The following UFD1 variants were observed in gnomAD, a reference collection of about 807,000 sequenced individuals.
UFD1 encodes the protein ubiquitin recognition factor in ER associated degradation 1.
UFD1 carries 13 observed loss-of-function variants against 45.9 expected under a neutral mutation model. That is an observed-to-expected ratio of 0.28 (90% CI 0.18 to 0.45). UFD1 has a LOEUF of 0.45. Ranked by LOEUF, UFD1 falls within the 20% of genes least tolerant of loss-of-function variation. The probability of loss-of-function intolerance (pLI) is 1.00; values close to 1 mark genes in which losing one functional copy is unlikely to be tolerated. For missense variants in UFD1, 218 were observed against 389.2 expected (o/e 0.56, Z 3.70); for synonymous variants, 128 against 139.2 (o/e 0.92, Z 0.56).
chr22:19,468,084 C>A (rs1568899974), intron 4 of UFD1, 81 bp from the exon 5 acceptor site: 5 of 1,549,778 alleles, frequency 3.2e-6, no homozygotes, highest in Non-Finnish European at 4.4e-6. Flanking sequence ...ACTGGGCAGG[C>A]CCGTCTTACT....
At chr22:19,474,940 C>T in intron 3 of UFD1, 128 bp downstream of exon 3, 3 of 972,152 alleles carry the variant, frequency 3.1e-6, no homozygotes, top group Middle Eastern at 3.5e-4. Flanking sequence ...CGCATGCCCT[C>T]CACGGACAAT....
intron 7 of UFD1, among the ~76,000 whole-genome samples, chr22:19,457,310 C>T (rs2089730391): frequency 6.6e-6 from 1 of 152,218 alleles, no homozygotes. Flanking sequence ...TCTCCCAGCC[C>T]CCTCCACCAG....
intron 4 of UFD1, among the ~76,000 whole-genome samples, chr22:19,470,218 G>C (rs896119335): frequency 5.3e-5 from 8 of 152,326 alleles, no homozygotes; most frequent in Non-Finnish European, 1.2e-4. Context: ...CAACAGGCCA[G>C]GTTGGGCAGG....
At position 19,451,233 on chromosome 22, in the gene UFD1, C is replaced by T. The variant is rs920980024; in HGVS notation, c.850-489G>A. The T allele has an allele frequency of 3.0e-6, 3 of 986,312 alleles. No individual in the cohort carries two copies. In the Admixed American group the frequency reaches 1.8e-4, roughly 60 times the overall value. The allele number at this position is 986,312 out of a possible 1,614,324, so 61.1% of individuals were successfully genotyped here. A position where few individuals can be genotyped will look rare whatever the true frequency, so the allele number is the denominator to read the frequency against. On this transcript the variant is annotated intron_variant, in intron 11 of 11. Transcript: ENST00000263202. The stretch of plus-strand genomic sequence containing the variant: ...TCCCACTTAATTCTGAAATCTCATG[C>T]CAATAAACTTCCTGTCTAGTATACT...
Position 19,454,775 on chromosome 22 carries a change from G to C in UFD1, c.823C>G (p.Arg275Gly). ...LGKITFIRNS[R>G]PLVKKVEEDE... ...TCTTCAACCTTTTTGACAAGGGGAC[G>C]TGAATTTCTGATGAAAGTTATCTTA... The change falls in exon 11 of 12, where the codon CGT becomes GGT. Residue 275 changes from arginine (R) to glycine (G), a missense_variant. Coordinates refer to ENST00000263202, the MANE Select transcript of UFD1 (RefSeq NM_005659.7). 1 of 1,614,032 alleles carries C rather than the reference G, an allele frequency of 6.2e-7. No individual in the cohort carries two copies.
intron 8 of UFD1, 34 bp downstream of exon 8, chr22:19,456,819 C>T: frequency 6.2e-7 from 1 of 1,614,128 alleles, no homozygotes; most frequent in Non-Finnish European, 8.5e-7. Context: ...CAGCATGCAG[C>T]AGGACAGCAA....
At chr22:19,465,407 A>G (rs2089795100) in intron 5 of UFD1, 133 bp from the exon 6 acceptor site, 1 of 693,132 alleles carries the variant, frequency 1.4e-6, no homozygotes, top group Non-Finnish European at 2.5e-6. Flanking sequence ...TTTTAATACA[A>G]TAAAGTACTA....
intron 5 of UFD1, chr22:19,466,603 G>GT (rs2089803987): frequency 6.6e-6 from 1 of 152,282 alleles, no homozygotes; most frequent in Admixed American, 6.5e-5. Context: ...GCTGAGGCAG[G>GT]TGGAGCACCT....
intron 11 of UFD1, chr22:19,453,293 T>G (rs1270578607): frequency 1.0e-6 from 1 of 985,412 alleles, no homozygotes; most frequent in African/African-American, 1.7e-5. Context: ...TCCAAAGCCT[T>G]GTAGTTGCCT....
At chr22:19,469,875 T>C (rs750578518) in intron 4 of UFD1, 3 of 509,708 alleles carry the variant, frequency 5.9e-6, no homozygotes, top group Admixed American at 4.0e-5. Flanking sequence ...GTTCAATTAG[T>C]TTCCTGGTCT....
intron 7 of UFD1, among the ~76,000 whole-genome samples, chr22:19,457,811 C>CAA: frequency 6.9e-6 from 1 of 145,266 alleles, no homozygotes; most frequent in African/African-American, 2.5e-5. Context: ...AACTAAGTCT[C>CAA]AAAAAAAAAA....
At chr22:19,460,443 T>C (rs567592116) in intron 6 of UFD1, among the ~76,000 whole-genome samples, 1 of 152,334 alleles carries the variant, frequency 6.6e-6, no homozygotes, top group South Asian at 2.1e-4. Flanking sequence ...CCTGTGACAT[T>C]TTCCATTTAC....
intron 7 of UFD1, 96 bp downstream of exon 7, chr22:19,457,974 GC>G (rs2089735976): frequency 8.1e-7 from 1 of 1,230,014 alleles, no homozygotes; most frequent in Admixed American, 1.7e-5. Flanking sequence ...AGTCCCAGGG[GC>G]TGTTTGATGC....
chr22:19,458,019 C>G (rs5748213), intron 7 of UFD1, 52 bp downstream of exon 7: 1 of 1,603,758 alleles, frequency 6.2e-7, no homozygotes. Context: ...TGGTCACCAA[C>G]TGCCCATCCT....
At chr22:19,469,159 AC>A (rs2089825664) in intron 4 of UFD1, among the ~76,000 whole-genome samples, 1 of 152,212 alleles carries the variant, frequency 6.6e-6, no homozygotes, top group Non-Finnish European at 1.5e-5. Context: ...TGCAGAGGTG[AC>A]TGGCTTTGGT....
chr22:19,467,792 T>A, intron 5 of UFD1, 81 bp downstream of exon 5: 1 of 1,565,752 alleles, frequency 6.4e-7, no homozygotes, highest in Non-Finnish European at 8.6e-7. Flanking sequence ...CAGGCACAGA[T>A]TCAATACAGT....
intron 11 of UFD1, chr22:19,451,325 A>C: frequency 1.0e-6 from 1 of 985,542 alleles, no homozygotes; most frequent in African/African-American, 1.7e-5. Flanking sequence ...GTTTTCTACC[A>C]GTGGACATTG....
chr22:19,459,885 C>T (rs986524087), intron 6 of UFD1, among the ~76,000 whole-genome samples: 5 of 151,548 alleles, frequency 3.3e-5, no homozygotes, highest in African/African-American at 1.2e-4. Flanking sequence ...ACTACAGGTG[C>T]GTGCCACCAC....
chr22:19,463,812 C>T (rs1023773722), intron 6 of UFD1, among the ~76,000 whole-genome samples: 1 of 152,198 alleles, frequency 6.6e-6, no homozygotes, highest in African/African-American at 2.4e-5. Flanking sequence ...CTAGTTTTCC[C>T]TACTTCTAAA....
Sources: gnomAD v4.1 joint callset for allele counts (sites outside exome capture counted in the v4.1 genomes callset) on GRCh38, gnomAD v4.1.1 for gene constraint, MANE v1.5 for transcripts, NCBI Gene and HGNC (gene_info 2026-07-23, HGNC 2026-07-21) for gene names.